TTC28: variants seen among roughly 807,000 people sequenced by gnomAD.
TTC28 encodes the protein tetratricopeptide repeat domain 28, also known as tetratricopeptide repeat protein 28.
Under a neutral mutation model 198.0 loss-of-function variants are expected in TTC28, and 61 were observed. The ratio of observed to expected loss-of-function variants is 0.31; its 90% CI spans 0.25 to 0.38. The LOEUF is 0.38. Among genes scored for constraint, TTC28 ranks in the 10% least tolerant of loss-of-function variants. The pLI, the probability that TTC28 is intolerant of heterozygous loss-of-function variation, is 1.00. For synonymous variants in TTC28, 1,171 were observed against 1,297.8 expected (o/e 0.90, Z 2.10); for missense variants, 2,678 against 3,164.0 (o/e 0.85, Z 3.69).
At chr22:28,562,713 A>G (rs1347699684) in intron 2 of TTC28, among the ~76,000 whole-genome samples, 2 of 152,230 alleles carry the variant, frequency 1.3e-5, no homozygotes, top group African/African-American at 2.4e-5. Context: ...AACAATAGCT[A>G]AACAACCAGC....
At chr22:28,520,820 A>G (rs572882610) in intron 2 of TTC28, among the ~76,000 whole-genome samples, 1 of 152,094 alleles carries the variant, frequency 6.6e-6, no homozygotes, top group South Asian at 2.1e-4. Flanking sequence ...TGGGAGGCTG[A>G]GGCGGGCAGA....
intron 2 of TTC28, among the ~76,000 whole-genome samples, chr22:28,492,262 A>T (rs2048390925): frequency 6.6e-6 from 1 of 152,168 alleles, no homozygotes; most frequent in East Asian, 1.9e-4. Flanking sequence ...AAAGTATAAT[A>T]AAAAAAATTA....
chr22:28,528,522 G>C (rs1362821894), intron 2 of TTC28, among the ~76,000 whole-genome samples: 2 of 151,520 alleles, frequency 1.3e-5, no homozygotes, highest in Non-Finnish European at 2.9e-5. Context: ...TTGAGGTTAG[G>C]AGCTCTGGAC....
chr22:28,233,113 A>T (rs1206862112), intron 5 of TTC28, among the ~76,000 whole-genome samples: 1 of 152,194 alleles, frequency 6.6e-6, no homozygotes, highest in Non-Finnish European at 1.5e-5. Flanking sequence ...AAAAAAAAAA[A>T]AATCCATTTT....
chr22:27,997,168 C>G (rs188458246), intron 16 of TTC28, among the ~76,000 whole-genome samples: 1 of 152,194 alleles, frequency 6.6e-6, no homozygotes, highest in Non-Finnish European at 1.5e-5. Flanking sequence ...GTCTCCTAAG[C>G]GCAGGAGGAG....
chr22:28,192,386 C>A (rs1470467795), intron 5 of TTC28, among the ~76,000 whole-genome samples: 1 of 152,186 alleles, frequency 6.6e-6, no homozygotes, highest in Non-Finnish European at 1.5e-5. Flanking sequence ...GAGTGCCTCT[C>A]CTCCTTCAAA....
chr22:28,037,637 T>TA (rs1447018404), intron 12 of TTC28, among the ~76,000 whole-genome samples: 1 of 152,192 alleles, frequency 6.6e-6, no homozygotes, highest in African/African-American at 2.4e-5. Context: ...TCACCACTCC[T>TA]ATTCAACATA....
chr22:28,516,971 T>C (rs981970193), intron 2 of TTC28, among the ~76,000 whole-genome samples: 1 of 152,206 alleles, frequency 6.6e-6, no homozygotes, highest in Non-Finnish European at 1.5e-5. Flanking sequence ...TATTCTGTAG[T>C]GAGTAAATAA....
At chr22:28,067,432 T>C (rs1044096118) in intron 12 of TTC28, among the ~76,000 whole-genome samples, 1 of 152,126 alleles carries the variant, frequency 6.6e-6, no homozygotes, top group Admixed American at 6.5e-5. Context: ...ATATCTCTTA[T>C]AACATGAAAT....
At chr22:28,616,269 T>C (rs1470696646) in intron 2 of TTC28, among the ~76,000 whole-genome samples, 1 of 152,210 alleles carries the variant, frequency 6.6e-6, no homozygotes, top group Non-Finnish European at 1.5e-5. Flanking sequence ...CCACTAAGTA[T>C]AAATGTTCTC....
intron 10 of TTC28, among the ~76,000 whole-genome samples, chr22:28,098,132 C>A (rs1347638175): frequency 1.3e-5 from 2 of 152,216 alleles, no homozygotes; most frequent in Non-Finnish European, 1.5e-5. Flanking sequence ...AAAGAAGATG[C>A]ATGCTGCCCC....
chr22:28,456,366 G>A (rs1443543190), intron 2 of TTC28, among the ~76,000 whole-genome samples: 1 of 152,044 alleles, frequency 6.6e-6, no homozygotes, highest in Admixed American at 6.6e-5. Context: ...CTTCTTTTGG[G>A]GGGAGATGCA....
chr22:28,267,456 G>A (rs1366954945), intron 5 of TTC28, among the ~76,000 whole-genome samples: 1 of 152,138 alleles, frequency 6.6e-6, no homozygotes, highest in Non-Finnish European at 1.5e-5. Context: ...GTAGAAAATG[G>A]GAACAAGACA....
At chr22:28,206,848 T>G (rs1926447598) in intron 5 of TTC28, among the ~76,000 whole-genome samples, 1 of 152,098 alleles carries the variant, frequency 6.6e-6, no homozygotes, top group East Asian at 1.9e-4. Flanking sequence ...CATTCAAAAG[T>G]AATTTAAGTG....
In TTC28 at chr22:28,568,077, A is replaced by G. The variant is rs992694230; in HGVS notation, c.381+61475T>C. ...AAGGTTTTACAAGAAAGGAAAAGTT[A>G]TCATGGTATACCAAATGATTCAGCT... On this transcript the variant is annotated intron_variant, in intron 2 of 22. Transcript: ENST00000397906. Among the ~76,000 whole-genome samples the G allele has an allele frequency of 4.6e-5, 7 of 152,326 alleles. No individual in the cohort carries two copies. The East Asian group carries it at 1.4e-3, about 29-fold the overall frequency.
intron 2 of TTC28, among the ~76,000 whole-genome samples, chr22:28,398,775 C>A (rs757217357): frequency 9.9e-5 from 15 of 152,106 alleles, no homozygotes; most frequent in Admixed American, 2.6e-4. Context: ...GGAACCTACC[C>A]CCCAAATAAG....
At chr22:28,537,303 T>TACTAAAACAAAAC (rs779564628) in intron 2 of TTC28, among the ~76,000 whole-genome samples, 24 of 120,712 alleles carry the variant, frequency 2.0e-4, no homozygotes, top group Non-Finnish European at 3.9e-4. Context: ...AAAAATAAAA[T>TACTAAAACAAAAC]AAAATAAAAT....
At chr22:28,151,168 A>G (rs975313968) in intron 6 of TTC28, among the ~76,000 whole-genome samples, 2 of 152,202 alleles carry the variant, frequency 1.3e-5, no homozygotes, top group South Asian at 2.1e-4. Context: ...TGATCACCTT[A>G]TCTTCTTTAT....
chr22:28,401,212 G>A (rs908769565), intron 2 of TTC28, among the ~76,000 whole-genome samples: 11 of 151,930 alleles, frequency 7.2e-5, no homozygotes, highest in African/African-American at 1.2e-4. Flanking sequence ...GGAGGATGAC[G>A]ATGACGATGA....
Sources: gnomAD v4.1 joint callset for allele counts (sites outside exome capture counted in the v4.1 genomes callset) on GRCh38, gnomAD v4.1.1 for gene constraint, MANE v1.5 for transcripts, NCBI Gene and HGNC (gene_info 2026-07-23, HGNC 2026-07-21) for gene names.